HS3ST4: variants seen among roughly 807,000 people sequenced by gnomAD.
HS3ST4 encodes heparan sulfate glucosamine 3-O-sulfotransferase 4.
HS3ST4 carries 17 observed loss-of-function variants against 29.2 expected under a neutral mutation model. The ratio of observed to expected loss-of-function variants is 0.58; its 90% CI spans 0.40 to 0.87. The LOEUF is 0.87. Ranked by LOEUF, HS3ST4 falls within the 40% of genes least tolerant of loss-of-function variation. The pLI is 0.00. For missense variants in HS3ST4, 627 were observed against 634.5 expected, an observed-to-expected ratio of 0.99 and a Z score of 0.13; for synonymous variants, 314 against 285.7, an observed-to-expected ratio of 1.10 and a Z score of -1.00.
intron 1 of HS3ST4, among the ~76,000 whole-genome samples, chr16:26,133,259 A>G (rs1324195160): frequency 6.6e-6 from 1 of 152,212 alleles, no homozygotes; most frequent in Non-Finnish European, 1.5e-5. Flanking sequence ...CTGCATTATG[A>G]CATTTAATCT....
intron 1 of HS3ST4, among the ~76,000 whole-genome samples, chr16:26,072,011 C>T (rs1355784589): frequency 1.3e-5 from 2 of 152,196 alleles, no homozygotes; most frequent in South Asian, 2.1e-4. Context: ...TATGAAGTAG[C>T]CTTTCCCTAT....
chr16:26,016,113 G>A (rs920493009), intron 1 of HS3ST4, among the ~76,000 whole-genome samples: 1 of 152,202 alleles, frequency 6.6e-6, no homozygotes, highest in Admixed American at 6.6e-5. Context: ...AATCAGCATA[G>A]ACATGTATGG....
chr16:26,134,362 C>CTTTTCTTTTTTT (rs750289979), intron 1 of HS3ST4, among the ~76,000 whole-genome samples: 10 of 76,808 alleles, frequency 1.3e-4, no homozygotes, highest in African/African-American at 2.3e-4. Flanking sequence ...CTTTTCTTTT[C>CTTTTCTTTTTTT]TTTTTTTTTT....
At chr16:26,073,451 T>C (rs531761997) in intron 1 of HS3ST4, among the ~76,000 whole-genome samples, 14 of 152,270 alleles carry the variant, frequency 9.2e-5, no homozygotes, top group African/African-American at 3.1e-4. Flanking sequence ...CTTGGCTCAC[T>C]GTAGCCTTGA....
chr16:25,745,434 T>C (rs1226922209), intron 1 of HS3ST4, among the ~76,000 whole-genome samples: 1 of 152,188 alleles, frequency 6.6e-6, no homozygotes, highest in African/African-American at 2.4e-5. Flanking sequence ...CTGAAATAAC[T>C]GTTTTCAGAC....
intron 1 of HS3ST4, among the ~76,000 whole-genome samples, chr16:26,126,729 G>A (rs1057442179): frequency 6.6e-6 from 1 of 152,218 alleles, no homozygotes; most frequent in African/African-American, 2.4e-5. Flanking sequence ...TGGGTGCCAT[G>A]GCATCTGGCG....
intron 1 of HS3ST4, among the ~76,000 whole-genome samples, chr16:25,751,385 C>T (rs1020496307): frequency 2.0e-5 from 3 of 152,236 alleles, no homozygotes; most frequent in African/African-American, 7.2e-5. Context: ...TGGGAAAATG[C>T]AGTAGGTGGC....
intron 1 of HS3ST4, among the ~76,000 whole-genome samples, chr16:25,710,736 T>G: frequency 6.6e-6 from 1 of 151,372 alleles, no homozygotes; most frequent in Non-Finnish European, 1.5e-5. Flanking sequence ...AGGCAAAATT[T>G]AAAAGCAGAT....
chr16:25,771,026 G>A (rs1470146760), intron 1 of HS3ST4, among the ~76,000 whole-genome samples: 1 of 151,824 alleles, frequency 6.6e-6, no homozygotes. Context: ...AGAACATGCA[G>A]GTTTGTTACG....
At chr16:25,917,399 G>T (rs1968303622) in intron 1 of HS3ST4, among the ~76,000 whole-genome samples, 1 of 152,034 alleles carries the variant, frequency 6.6e-6, no homozygotes, top group South Asian at 2.1e-4. Context: ...TTTTAGTAGA[G>T]ATGGGGTTTC....
At chr16:25,795,954 TA>T (rs908980177) in intron 1 of HS3ST4, among the ~76,000 whole-genome samples, 1 of 151,848 alleles carries the variant, frequency 6.6e-6, no homozygotes, top group African/African-American at 2.4e-5. Context: ...CTTTTTTTTT[TA>T]ATCCCTTTTA....
At chr16:26,045,600 G>C (rs764835526) in intron 1 of HS3ST4, among the ~76,000 whole-genome samples, 2 of 152,090 alleles carry the variant, frequency 1.3e-5, no homozygotes, top group Non-Finnish European at 1.5e-5. Flanking sequence ...CACTAGATCT[G>C]AGCTCTGCTA....
chr16:25,900,469 T>G (rs1330135087), intron 1 of HS3ST4, among the ~76,000 whole-genome samples: 1 of 152,196 alleles, frequency 6.6e-6, no homozygotes, highest in African/African-American at 2.4e-5. Flanking sequence ...TATTTTTTGC[T>G]TTTTGTATCC....
chr16:26,047,726 A>G (rs1335482802), intron 1 of HS3ST4, among the ~76,000 whole-genome samples: 3 of 152,172 alleles, frequency 2.0e-5, no homozygotes, highest in African/African-American at 7.2e-5. Flanking sequence ...CTTGTACTTA[A>G]TTCAATCTTA....
rs571067194 is a variant in HS3ST4 at position 26,009,973 on chromosome 16, G to A, written c.735-125639G>A. ...CTAAGTTTTCCTAGCAACACGGGCC[G>A]TATCTCCTTTATTCTTAGGGACCAG... On this transcript the variant is annotated intron_variant, in intron 1 of 1. Coordinates refer to ENST00000331351, the MANE Select transcript of HS3ST4 (RefSeq NM_006040.3). Among the ~76,000 whole-genome samples the A allele has an allele frequency of 6.8e-4, 104 of 152,274 alleles. 1 individual carries two copies. Among genetic ancestry groups the A allele is most frequent in the African/African-American group, 1.7e-3 (72 of 41,544 alleles).
intron 1 of HS3ST4, among the ~76,000 whole-genome samples, chr16:25,735,461 T>C (rs1358835075): frequency 6.6e-6 from 1 of 152,090 alleles, no homozygotes; most frequent in East Asian, 1.9e-4. Flanking sequence ...CAATCATGGC[T>C]TACTGCAGCC....
chr16:26,013,986 G>A (rs1302920798), intron 1 of HS3ST4, among the ~76,000 whole-genome samples: 3 of 146,136 alleles, frequency 2.1e-5, no homozygotes, highest in Non-Finnish European at 3.0e-5. Context: ...CCAGGCTGGC[G>A]ACAGATAGCA....
intron 1 of HS3ST4, among the ~76,000 whole-genome samples, chr16:25,801,966 C>G (rs890291706): frequency 6.7e-6 from 1 of 149,470 alleles, no homozygotes; most frequent in Non-Finnish European, 1.5e-5. Context: ...TATTCACTTA[C>G]GCAAATATTT....
intron 1 of HS3ST4, among the ~76,000 whole-genome samples, chr16:25,748,760 C>T (rs1596559945): frequency 6.6e-6 from 1 of 152,138 alleles, no homozygotes; most frequent in Admixed American, 6.5e-5. Context: ...ATCTTACTGG[C>T]TATTGCCTGA....
Sources: gnomAD v4.1 joint callset for allele counts (sites outside exome capture counted in the v4.1 genomes callset) on GRCh38, gnomAD v4.1.1 for gene constraint, MANE v1.5 for transcripts, NCBI Gene and HGNC (gene_info 2026-07-23, HGNC 2026-07-21) for gene names.